ARHGEF28: variants seen among roughly 807,000 people sequenced by gnomAD.
ARHGEF28 encodes Rho guanine nucleotide exchange factor 28, also known as 190 kDa guanine nucleotide exchange factor.
In ARHGEF28, 152 loss-of-function variants were observed where a neutral mutation model predicts 206.6. The ratio of observed to expected loss-of-function variants is 0.74; its 90% CI spans 0.64 to 0.84. The LOEUF (loss-of-function observed/expected upper bound fraction) is 0.84, where lower values mean the gene tolerates loss of function less well. Among genes scored for constraint, ARHGEF28 ranks in the 40% least tolerant of loss-of-function variants. ARHGEF28 has a pLI of 0.00. For synonymous variants in ARHGEF28, 763 were observed against 776.4 expected, an observed-to-expected ratio of 0.98 and a Z score of 0.29; for missense variants, 2,028 against 2,073.2, an observed-to-expected ratio of 0.98 and a Z score of 0.42.
chr5:73,683,164 A>T (rs1747217165), intron 1 of ARHGEF28, among the ~76,000 whole-genome samples: 1 of 151,910 alleles, frequency 6.6e-6, no homozygotes, highest in African/African-American at 2.4e-5. Context: ...TCTAAGTGCT[A>T]TTTGTTTACT....
At chr5:73,694,973 A>T (rs1313673691) in intron 2 of ARHGEF28, among the ~76,000 whole-genome samples, 1 of 152,240 alleles carries the variant, frequency 6.6e-6, no homozygotes, top group African/African-American at 2.4e-5. Context: ...ATGGGTTAGG[A>T]CAATACAAGG....
chr5:73,695,531 C>T (rs903112410), intron 2 of ARHGEF28, among the ~76,000 whole-genome samples: 3 of 152,192 alleles, frequency 2.0e-5, no homozygotes, highest in African/African-American at 7.2e-5. Context: ...TAAGTTCAGA[C>T]TGTTATATTT....
intron 34 of ARHGEF28, among the ~76,000 whole-genome samples, chr5:73,910,567 G>A (rs143362000): frequency 8.6e-5 from 13 of 151,930 alleles, no homozygotes; most frequent in African/African-American, 3.1e-4. Context: ...AGTATTTGAA[G>A]GACTCTCTTT....
At chr5:73,664,302 T>C (rs1391806031) in intron 1 of ARHGEF28, among the ~76,000 whole-genome samples, 1 of 152,248 alleles carries the variant, frequency 6.6e-6, no homozygotes, top group Non-Finnish European at 1.5e-5. Context: ...CATCTATTTA[T>C]TGAAACTGTC....
At chr5:73,756,241 G>A (rs1442930974) in intron 4 of ARHGEF28, among the ~76,000 whole-genome samples, 2 of 152,136 alleles carry the variant, frequency 1.3e-5, no homozygotes, top group Non-Finnish European at 2.9e-5. Context: ...AGGTGATGTT[G>A]GTATGTGCAT....
Position 73,901,261 on chromosome 5 carries a change from G to A in ARHGEF28, c.4051G>A (p.Ala1351Thr), listed in dbSNP as rs1288971595. 2 of 1,613,068 alleles carry A rather than the reference G, an allele frequency of 1.2e-6. No homozygotes were observed. The highest frequency in any genetic ancestry group is 1.7e-6 in the Non-Finnish European group (2 of 1,179,494). ...GATCCAGGGTGTGGTAACCGACTTG[G>A]CCGTCTCTGATGCAGGGGAGAAGGT... is the stretch of plus-strand genomic sequence containing the variant. ...PGIQGVVTDL[A>T]VSDAGEKVEC... is the part of the protein sequence containing the mutation. The change falls in exon 31 of 36, where the codon GCC (alanine) becomes ACC (threonine). Residue 1351 changes from alanine to threonine, a missense_variant. Ala to Thr is a moderately conservative substitution (Grantham distance 58). Around this residue, in one of 3 missense-constraint regions of ARHGEF28, gnomAD observed 803 missense variants for 768.0 expected, o/e 1.05. Coordinates refer to ENST00000513042, the MANE Select transcript of ARHGEF28 (RefSeq NM_001177693.2).
intron 1 of ARHGEF28, among the ~76,000 whole-genome samples, chr5:73,639,675 G>A (rs1031790984): frequency 6.6e-6 from 1 of 152,086 alleles, no homozygotes; most frequent in South Asian, 2.1e-4. Context: ...TGCTTGTAAT[G>A]TAGGACTACA....
chr5:73,876,135 C>T (rs1204422417), intron 22 of ARHGEF28, among the ~76,000 whole-genome samples: 8 of 149,448 alleles, frequency 5.4e-5, no homozygotes, highest in Non-Finnish European at 8.9e-5. Flanking sequence ...AGGTGCTTCA[C>T]GTCCCTTGTA....
chr5:73,902,996 T>G (rs908649622), intron 31 of ARHGEF28: 1 of 152,204 alleles, frequency 6.6e-6, no homozygotes, highest in Non-Finnish European at 1.5e-5. Flanking sequence ...GAGCCTGTTC[T>G]CTCCCATAGG....
intron 9 of ARHGEF28, among the ~76,000 whole-genome samples, chr5:73,806,691 G>GTACCATATATACGATATATCA (rs1561417691): frequency 4.8e-5 from 6 of 124,970 alleles, no homozygotes; most frequent in African/African-American, 1.8e-4. Flanking sequence ...ACGATATATC[G>GTACCATATATACGATATATCA]TATACATCTA....
chr5:73,792,690 A>G (rs1253618727), intron 7 of ARHGEF28, among the ~76,000 whole-genome samples: 1 of 86,482 alleles, frequency 1.2e-5, no homozygotes, highest in Non-Finnish European at 2.3e-5. Context: ...TTTCCTACTT[A>G]TCCCAATTTT....
intron 35 of ARHGEF28, among the ~76,000 whole-genome samples, chr5:73,914,391 CTTTTTTTT>C (rs571265796): frequency 2.9e-5 from 3 of 102,936 alleles, no homozygotes; most frequent in Admixed American, 1.1e-4. Flanking sequence ...TTCTGAATTG[CTTTTTTTT>C]TTTTTTTTTT....
intron 33 of ARHGEF28, chr5:73,905,161 CTTATA>C: frequency 6.6e-6 from 1 of 152,306 alleles, no homozygotes; most frequent in South Asian, 2.1e-4. Flanking sequence ...GCATTAGATT[CTTATA>C]GGAGCGTGAA....
chr5:73,641,549 T>C (rs181397652), intron 1 of ARHGEF28, among the ~76,000 whole-genome samples: 1 of 152,332 alleles, frequency 6.6e-6, no homozygotes, highest in Admixed American at 6.5e-5. Context: ...TCTTGAGTTT[T>C]TGTTGCCTCA....
At chr5:73,806,726 G>T (rs183358940) in intron 9 of ARHGEF28, among the ~76,000 whole-genome samples, 2 of 139,520 alleles carry the variant, frequency 1.4e-5, no homozygotes, top group African/African-American at 2.7e-5. Flanking sequence ...ACGATATATC[G>T]TATACATCTA....
Position 73,892,790 on chromosome 5 carries a change from G to C in ARHGEF28, c.3567-407G>C, listed in dbSNP as rs184002740. ...CAGTTTTTATAATTGGGAGCACAAG[G>C]GTGGGGGTGATCATTCTCAACAGTA... is the stretch of plus-strand genomic sequence containing the variant. On this transcript the variant is annotated intron_variant, in intron 27 of 35. Coordinates refer to ENST00000513042, the MANE Select transcript of ARHGEF28 (RefSeq NM_001177693.2). Among the ~76,000 whole-genome samples the C allele has an allele frequency of 2.9e-4, 44 of 152,148 alleles. 1 individual carries two copies. The highest frequency in any genetic ancestry group is 4.4e-5 in the Non-Finnish European group (3 of 67,986).
At chr5:73,931,224 G>A (rs142704828) in intron 35 of ARHGEF28, among the ~76,000 whole-genome samples, 4 of 152,258 alleles carry the variant, frequency 2.6e-5, no homozygotes, top group South Asian at 2.1e-4. Context: ...ATGCCTTTCC[G>A]ATTCTGGGTT....
At chr5:73,813,114 C>T (rs1259549411) in intron 9 of ARHGEF28, among the ~76,000 whole-genome samples, 1 of 152,158 alleles carries the variant, frequency 6.6e-6, no homozygotes. Flanking sequence ...CTTTATCTAA[C>T]ACGGCACCGG....
Position 73,693,937 on chromosome 5 carries a change from G to A in ARHGEF28, c.33+9053G>A, listed in dbSNP as rs1748013332. On this transcript the variant is annotated intron_variant, in intron 2 of 35. Coordinates refer to ENST00000513042, the MANE Select transcript of ARHGEF28 (RefSeq NM_001177693.2). ...AGTTCTAGCCATAGAGCAAAGAGAG[G>A]ACCATGGTAACTGTTTTACCCAGCC... Among the ~76,000 whole-genome samples the A allele has an allele frequency of 2.0e-5, 3 of 152,172 alleles. 1 individual carries two copies. The South Asian group carries it at 6.2e-4, about 31-fold the overall frequency.
Sources: allele counts gnomAD v4.1 joint callset (sites outside exome capture counted in the v4.1 genomes callset), GRCh38; gene constraint gnomAD v4.1.1; regional missense constraint gnomAD v4.1.1; transcripts MANE v1.5; gene names NCBI Gene and HGNC (gene_info 2026-07-23, HGNC 2026-07-21).